The following CDH10 variants were observed in gnomAD, a reference collection of about 807,000 sequenced individuals.
CDH10 encodes cadherin-10.
In CDH10, 30 loss-of-function variants were observed where a neutral mutation model predicts 73.1. The observed-to-expected ratio is 0.41, with a 90% CI of 0.31 to 0.56. The LOEUF (loss-of-function observed/expected upper bound fraction) is 0.56, where lower values mean the gene tolerates loss of function less well. Among genes scored for constraint, CDH10 ranks in the 20% least tolerant of loss-of-function variants. The probability of loss-of-function intolerance (pLI) is 0.27; values close to 1 mark genes in which losing one functional copy is unlikely to be tolerated. For synonymous variants in CDH10, 345 were observed against 348.2 expected (o/e 0.99, Z 0.10); for missense variants, 815 against 973.7 (o/e 0.84, Z 2.17).
intron 1 of CDH10, among the ~76,000 whole-genome samples, chr5:24,621,987 G>C (rs1040777185): frequency 6.6e-6 from 1 of 152,224 alleles, no homozygotes. Context: ...GATGAGGTTA[G>C]AGAGGAAATG....
At chr5:24,565,023 C>T (rs925853789) in intron 2 of CDH10, among the ~76,000 whole-genome samples, 2 of 152,130 alleles carry the variant, frequency 1.3e-5, no homozygotes, top group Non-Finnish European at 2.9e-5. Context: ...CCTTACCTCT[C>T]CTGACTCTCT....
At chr5:24,491,180 C>T (rs895506359) in intron 11 of CDH10, among the ~76,000 whole-genome samples, 4 of 152,152 alleles carry the variant, frequency 2.6e-5, no homozygotes, top group African/African-American at 9.7e-5. Flanking sequence ...TCTCTTAATT[C>T]CATTAGAACA....
Position 24,535,831 on chromosome 5 carries a change from T to A in CDH10, c.527-9A>T, listed in dbSNP as rs201855718. The A allele has an allele frequency of 1.2e-6, 2 of 1,604,564 alleles. No individual in the cohort carries two copies. Among genetic ancestry groups the A allele is most frequent in the South Asian group, 1.1e-5 (1 of 90,268 alleles). On this transcript the variant is annotated splice_polypyrimidine_tract_variant and intron_variant, in intron 3 of 11. Coordinates refer to ENST00000264463, the MANE Select transcript of CDH10 (RefSeq NM_006727.5). ...TTGCACCACAGAAGTACCTGAAGTA[T>A]CCAAATTCAGCTTAGTTCTGCACAG...
At chr5:24,509,091 T>A (rs1449518650) in intron 7 of CDH10, among the ~76,000 whole-genome samples, 2 of 151,974 alleles carry the variant, frequency 1.3e-5, no homozygotes, top group Non-Finnish European at 2.9e-5. Context: ...GAAATGCCTG[T>A]GCTCACCATA....
chr5:24,502,651 T>C (rs1174790062), intron 8 of CDH10, among the ~76,000 whole-genome samples: 2 of 152,130 alleles, frequency 1.3e-5, no homozygotes, highest in Non-Finnish European at 2.9e-5. Flanking sequence ...AAAGAAGTAA[T>C]TGGCTTAGCT....
intron 2 of CDH10, among the ~76,000 whole-genome samples, chr5:24,589,301 T>C (rs1746126053): frequency 6.6e-6 from 1 of 152,126 alleles, no homozygotes; most frequent in Non-Finnish European, 1.5e-5. Context: ...AAGTCTACAC[T>C]GTGGGAAACA....
chr5:24,488,701 C>T (rs1194698217), intron 11 of CDH10, among the ~76,000 whole-genome samples: 1 of 151,564 alleles, frequency 6.6e-6, no homozygotes, highest in Admixed American at 6.6e-5. Context: ...TAAAAGAATG[C>T]TGTAATTATT....
intron 8 of CDH10, among the ~76,000 whole-genome samples, chr5:24,502,537 T>A (rs1742538082): frequency 6.6e-6 from 1 of 152,160 alleles, no homozygotes; most frequent in Non-Finnish European, 1.5e-5. Context: ...CAGAACAGAA[T>A]AATGGGATCC....
At chr5:24,543,548 A>G (rs931895457) in intron 2 of CDH10, among the ~76,000 whole-genome samples, 6 of 152,190 alleles carry the variant, frequency 3.9e-5, no homozygotes, top group African/African-American at 1.4e-4. Flanking sequence ...GGTATTTTAT[A>G]TTTGTTGAAA....
chr5:24,554,398 A>G (rs1744683014), intron 2 of CDH10, among the ~76,000 whole-genome samples: 1 of 152,012 alleles, frequency 6.6e-6, no homozygotes, highest in Non-Finnish European at 1.5e-5. Flanking sequence ...CATGCCTGTG[A>G]AACTTGGTGC....
intron 2 of CDH10, among the ~76,000 whole-genome samples, chr5:24,576,421 C>G (rs1173731719): frequency 2.6e-5 from 4 of 152,086 alleles, no homozygotes; most frequent in African/African-American, 9.7e-5. Context: ...AACCTCTTCA[C>G]CATCTTTTTA....
chr5:24,539,038 T>C (rs2111903549), intron 2 of CDH10, among the ~76,000 whole-genome samples: 1 of 152,222 alleles, frequency 6.6e-6, no homozygotes, highest in South Asian at 2.1e-4. Flanking sequence ...CTGTAGATCT[T>C]AATTTCTACA....
intron 2 of CDH10, among the ~76,000 whole-genome samples, chr5:24,560,206 G>GTGTGTA (rs1325001220): frequency 2.3e-3 from 20 of 8,530 alleles, no homozygotes; most frequent in African/African-American, 2.5e-3. Context: ...GCAATTGTGT[G>GTGTGTA]TGTGTGTGTG....
chr5:24,582,214 T>C (rs1420813170), intron 2 of CDH10, among the ~76,000 whole-genome samples: 4 of 152,166 alleles, frequency 2.6e-5, no homozygotes, highest in Admixed American at 6.5e-5. Flanking sequence ...CACATTGATA[T>C]TGCATAACAT....
In CDH10 at chr5:24,491,581, A is replaced by G. The variant is rs1453422176; in HGVS notation, c.1871T>C (p.Leu624Pro). The G allele has an allele frequency of 6.2e-7, 1 of 1,611,870 alleles. No homozygotes were observed. The highest frequency in any genetic ancestry group is 8.5e-7 in the Non-Finnish European group (1 of 1,178,552). Residue 624 changes from leucine to proline, a missense_variant, in exon 11 of 12, where the codon CTA becomes CCA. Coordinates refer to ENST00000264463, the MANE Select transcript of CDH10 (RefSeq NM_006727.5). ...LIAILLCIII[L>P]LVIVVLFAAL... ...TTGTTTTTAAGGTTTCTTACCCAGT[A>G]GAATGATGATGCAGAGGAGGATGGC...
chr5:24,595,031 G>A (rs920331703), intron 1 of CDH10, among the ~76,000 whole-genome samples: 2 of 151,830 alleles, frequency 1.3e-5, no homozygotes, highest in African/African-American at 2.4e-5. Context: ...TTTATGTATA[G>A]AGATATATAT....
Position 24,498,234 on chromosome 5 carries a change from A to G in CDH10, c.1515+164T>C, listed in dbSNP as rs545836910. Among the ~76,000 whole-genome samples the G allele has an allele frequency of 2.0e-5, 3 of 152,326 alleles. No individual in the cohort carries two copies. In the South Asian group the frequency reaches 6.2e-4, roughly 32 times the overall value. On this transcript the variant is annotated intron_variant, in intron 9 of 11. Transcript: ENST00000264463. ...ATGAAACTGGTATATGGTTTTAAAA[A>G]TATTTTCACCTTTAAAAACATCAGT... is the stretch of plus-strand genomic sequence containing the variant.
rs73067105 is a variant in CDH10 at position 24,499,187 on chromosome 5, C to T, written c.1394-668G>A. Among the ~76,000 whole-genome samples the T allele has an allele frequency of 8.5e-3, 1,295 of 152,176 alleles. 16 individuals carry two copies. Among genetic ancestry groups the T allele is most frequent in the African/African-American group, 0.029 (1,219 of 41,522 alleles). On this transcript the variant is annotated intron_variant, in intron 8 of 11. Coordinates refer to ENST00000264463, the MANE Select transcript of CDH10 (RefSeq NM_006727.5). ...ATTATATGGCTACTTATCTTACAAA[C>T]TAGTTGGGAAATTTATGATGAAATA...
intron 9 of CDH10, among the ~76,000 whole-genome samples, chr5:24,494,670 A>C (rs1018582697): frequency 6.6e-6 from 1 of 152,056 alleles, no homozygotes; most frequent in African/African-American, 2.4e-5. Context: ...TCAGAAAACA[A>C]ATAGTGACAT....
Sources: gnomAD v4.1 joint callset for allele counts (sites outside exome capture counted in the v4.1 genomes callset) on GRCh38, gnomAD v4.1.1 for gene constraint, MANE v1.5 for transcripts, NCBI Gene and HGNC (gene_info 2026-07-23, HGNC 2026-07-21) for gene names.